CD99: variants seen among roughly 807,000 people sequenced by gnomAD.
CD99 encodes CD99 antigen.
CD99 carries 19 observed loss-of-function variants against 28.4 expected under a neutral mutation model. That is an observed-to-expected ratio of 0.67 (90% CI 0.47 to 0.98). CD99 has a LOEUF of 0.98. Ranked by LOEUF, CD99 falls within the 50% of genes least tolerant of loss-of-function variation. CD99 has a pLI of 0.00. For missense variants in CD99, 283 were observed against 248.8 expected (o/e 1.14, Z -0.92); for synonymous variants, 103 against 92.1 (o/e 1.12, Z -0.67).
At chrX:2,694,466 T>A (rs955299368) in intron 1 of CD99, among the ~76,000 whole-genome samples, 7 of 152,036 alleles carry the variant, frequency 4.6e-5, no homozygotes. Context: ...ACTCCCTACT[T>A]TAGGCCGAGC....
At chrX:2,716,393 G>C (rs1049962795) in intron 2 of CD99, among the ~76,000 whole-genome samples, 34 of 152,110 alleles carry the variant, frequency 2.2e-4, no homozygotes, top group African/African-American at 8.2e-4. Flanking sequence ...TTGGAGTGCA[G>C]TGTTGGGATC....
chrX:2,703,848 G>C (rs552289110), intron 1 of CD99, among the ~76,000 whole-genome samples: 1 of 152,054 alleles, frequency 6.6e-6, no homozygotes, highest in East Asian at 1.9e-4. Context: ...GTGTTTCCAC[G>C]TTAGCCTTGG....
At chrX:2,728,438 C>T (rs771386956) in intron 8 of CD99, among the ~76,000 whole-genome samples, 38 of 152,038 alleles carry the variant, frequency 2.5e-4, no homozygotes, top group African/African-American at 8.7e-4. Context: ...TTGGATGATC[C>T]GCCTGCCTTG....
In CD99 at chrX:2,735,027, T is replaced by A. The variant is rs138477524; in HGVS notation, c.476-3173T>A. Reference sequence around the variant, plus strand: ...TCACCTTTACAGCCCCCCAACTCTTTGAAGGATGTGTCCCAAGGTGTCTCA... The same window carrying A: ...TCACCTTTACAGCCCCCCAACTCTTAGAAGGATGTGTCCCAAGGTGTCTCA... On this transcript the variant is annotated intron_variant, in intron 8 of 9. Transcript: ENST00000381192. Among the ~76,000 whole-genome samples the A allele has an allele frequency of 6.3e-4, 96 of 152,222 alleles. No homozygotes were observed. In the East Asian group the frequency reaches 0.012, roughly 19 times the overall value.
chrX:2,708,637 G>A (rs1291896231), intron 1 of CD99, among the ~76,000 whole-genome samples: 6 of 152,148 alleles, frequency 3.9e-5, no homozygotes, highest in African/African-American at 1.4e-4. Context: ...CTCCAAGTGC[G>A]GGGCTGAGGC....
intron 8 of CD99, among the ~76,000 whole-genome samples, chrX:2,732,554 C>G (rs1473639768): frequency 2.3e-5 from 3 of 129,212 alleles, no homozygotes; most frequent in African/African-American, 8.0e-5. Flanking sequence ...CCTTTGCCCT[C>G]AGTTCTCCCT....
intron 1 of CD99, among the ~76,000 whole-genome samples, chrX:2,710,282 C>T (rs1301492927): frequency 6.6e-6 from 1 of 152,128 alleles, no homozygotes; most frequent in Non-Finnish European, 1.5e-5. Context: ...TGGGAGAAGA[C>T]AAGACTCTGG....
intron 8 of CD99, among the ~76,000 whole-genome samples, chrX:2,728,921 C>T (rs762125402): frequency 6.7e-6 from 1 of 149,328 alleles, no homozygotes; most frequent in African/African-American, 2.5e-5. Context: ...ACTGCAACCT[C>T]GCGGGTTCAA....
At chrX:2,711,437 G>A (rs1226666200) in intron 1 of CD99, among the ~76,000 whole-genome samples, 1 of 122,628 alleles carries the variant, frequency 8.2e-6, no homozygotes, top group Non-Finnish European at 1.6e-5. Flanking sequence ...GTATGTGTAT[G>A]TGTGTATATA....
chrX:2,726,688 A>G (rs1395147938), intron 8 of CD99, among the ~76,000 whole-genome samples: 1 of 145,820 alleles, frequency 6.9e-6, no homozygotes, highest in African/African-American at 2.5e-5. Flanking sequence ...GTCCTGCAGG[A>G]AAGCCGCTAC....
At chrX:2,723,794 T>G (rs989037528) in intron 7 of CD99, among the ~76,000 whole-genome samples, 5 of 152,136 alleles carry the variant, frequency 3.3e-5, no homozygotes, top group Non-Finnish European at 5.9e-5. Flanking sequence ...TAACAGGCAT[T>G]GTGTTCTCCA....
At chrX:2,722,410 T>C (rs1368014003) in intron 5 of CD99, among the ~76,000 whole-genome samples, 1 of 152,194 alleles carries the variant, frequency 6.6e-6, no homozygotes, top group Non-Finnish European at 1.5e-5. Context: ...AACCTCCACC[T>C]CCAGGGTTCA....
chrX:2,695,248 C>T (rs1287134618), intron 1 of CD99, among the ~76,000 whole-genome samples: 1 of 151,966 alleles, frequency 6.6e-6, no homozygotes, highest in Non-Finnish European at 1.5e-5. Context: ...CTCTGTTGTC[C>T]AGGCTGGAGT....
At chrX:2,730,144 A>G (rs765995862) in intron 8 of CD99, among the ~76,000 whole-genome samples, 1 of 151,342 alleles carries the variant, frequency 6.6e-6, no homozygotes, top group East Asian at 1.9e-4. Context: ...ACAGACAGAG[A>G]CCCTGTCTCT....
chrX:2,696,198 G>C (rs749477310), intron 1 of CD99, among the ~76,000 whole-genome samples: 1 of 152,276 alleles, frequency 6.6e-6, no homozygotes, highest in South Asian at 2.1e-4. Flanking sequence ...AGAAAGGCTG[G>C]TTATTGAAGC....
chrX:2,691,665 A>G, intron 1 of CD99: 1 of 704,874 alleles, frequency 1.4e-6, no homozygotes, highest in South Asian at 1.5e-5. Context: ...CGGAGTTGCA[A>G]ACTCTTACAT....
chrX:2,734,758 C>T (rs2049849518), intron 8 of CD99, among the ~76,000 whole-genome samples: 1 of 133,700 alleles, frequency 7.5e-6, no homozygotes. Flanking sequence ...CCTCTTATTT[C>T]TTTGACTTTT....
intron 1 of CD99, chrX:2,692,245 T>A: frequency 6.0e-5 from 8 of 132,552 alleles, no homozygotes; most frequent in Non-Finnish European, 1.1e-4. Context: ...TCTTTTTTCA[T>A]GTTATAAATT....
chrX:2,723,781 C>G (rs112674204), intron 7 of CD99, among the ~76,000 whole-genome samples: 125 of 152,298 alleles, frequency 8.2e-4, no homozygotes, highest in African/African-American at 2.9e-3. Flanking sequence ...TCCACCCTGG[C>G]TGTAACAGGC....
Sources: gnomAD v4.1 joint callset for allele counts (sites outside exome capture counted in the v4.1 genomes callset) on GRCh38, gnomAD v4.1.1 for gene constraint, MANE v1.5 for transcripts, NCBI Gene and HGNC (gene_info 2026-07-23, HGNC 2026-07-21) for gene names.